The following GPATCH2 variants were observed in gnomAD, a reference collection of about 807,000 sequenced individuals.
GPATCH2 encodes the protein G patch domain-containing protein 2.
Under a neutral mutation model 58.0 loss-of-function variants are expected in GPATCH2, and 51 were observed. The ratio of observed to expected loss-of-function variants is 0.88; its 90% confidence interval spans 0.70 to 1.11. The LOEUF is 1.11. Ranked by LOEUF, GPATCH2 falls within the 50% of genes most tolerant of loss-of-function variation. GPATCH2 has a pLI of 0.00. For synonymous variants in GPATCH2, 222 were observed against 218.5 expected, an observed-to-expected ratio of 1.02 and a Z score of -0.14; for missense variants, 625 against 652.2, an observed-to-expected ratio of 0.96 and a Z score of 0.45.
intron 6 of GPATCH2, among the ~76,000 whole-genome samples, chr1:217,500,434 C>A (rs1662241726): frequency 6.6e-6 from 1 of 151,996 alleles, no homozygotes; most frequent in Non-Finnish European, 1.5e-5. Context: ...CCTCTTGTTT[C>A]CTGTATCCCA....
intron 5 of GPATCH2, among the ~76,000 whole-genome samples, chr1:217,542,628 T>G (rs1296652172): frequency 6.6e-6 from 1 of 152,208 alleles, no homozygotes; most frequent in Non-Finnish European, 1.5e-5. Context: ...AAAGCCATCC[T>G]TTAAGCCTGT....
At chr1:217,483,509 G>A (rs1243238588) in intron 8 of GPATCH2, among the ~76,000 whole-genome samples, 1 of 151,922 alleles carries the variant, frequency 6.6e-6, no homozygotes, top group Non-Finnish European at 1.5e-5. Flanking sequence ...TTTGGAGACA[G>A]GGTCTTGCTC....
chr1:217,487,962 G>A (rs769530938), intron 8 of GPATCH2, among the ~76,000 whole-genome samples: 4 of 151,514 alleles, frequency 2.6e-5, no homozygotes, highest in Non-Finnish European at 4.4e-5. Flanking sequence ...GGCTGGTATC[G>A]AACTCCTGAC....
chr1:217,528,734 A>C (rs973324376), intron 5 of GPATCH2, among the ~76,000 whole-genome samples: 8 of 152,162 alleles, frequency 5.3e-5, no homozygotes, highest in Admixed American at 3.3e-4. Flanking sequence ...GCATTTGTGG[A>C]AGGAGGAGGC....
chr1:217,580,041 C>T (rs1035345806), intron 5 of GPATCH2, among the ~76,000 whole-genome samples: 1 of 152,064 alleles, frequency 6.6e-6, no homozygotes, highest in Admixed American at 6.5e-5. Flanking sequence ...ATTTTTGCTA[C>T]AATAATTTTA....
chr1:217,458,761 C>T (rs1660071352), intron 8 of GPATCH2, among the ~76,000 whole-genome samples: 1 of 152,122 alleles, frequency 6.6e-6, no homozygotes, highest in South Asian at 2.1e-4. Flanking sequence ...TTCCTTCAGT[C>T]CTCTTAGCGC....
chr1:217,455,377 AC>A (rs1659894598), intron 8 of GPATCH2, among the ~76,000 whole-genome samples: 1 of 152,194 alleles, frequency 6.6e-6, no homozygotes, highest in African/African-American at 2.4e-5. Flanking sequence ...ATCCCTGTTC[AC>A]TGCCTACCTG....
intron 5 of GPATCH2, among the ~76,000 whole-genome samples, chr1:217,594,180 A>G (rs969890027): frequency 2.0e-5 from 3 of 152,134 alleles, no homozygotes; most frequent in African/African-American, 7.2e-5. Flanking sequence ...CAAGAAACAC[A>G]TTTAACTCAT....
chr1:217,518,782 G>A (rs1352454486), intron 5 of GPATCH2, among the ~76,000 whole-genome samples: 1 of 152,028 alleles, frequency 6.6e-6, no homozygotes, highest in East Asian at 1.9e-4. Flanking sequence ...CTTCAACTTC[G>A]CTCTGCTTTT....
intron 8 of GPATCH2, among the ~76,000 whole-genome samples, chr1:217,466,554 G>GA (rs1266782557): frequency 6.6e-6 from 1 of 151,646 alleles, no homozygotes. Flanking sequence ...AAGTATATAG[G>GA]AAAAATAAAA....
At chr1:217,577,754 A>G (rs867791007) in intron 5 of GPATCH2, among the ~76,000 whole-genome samples, 1 of 151,776 alleles carries the variant, frequency 6.6e-6, no homozygotes, top group Non-Finnish European at 1.5e-5. Flanking sequence ...TATTATTATT[A>G]TTGTTAGTTT....
chr1:217,623,591 C>T (rs955745968), intron 1 of GPATCH2, among the ~76,000 whole-genome samples: 8 of 152,058 alleles, frequency 5.3e-5, no homozygotes, highest in Admixed American at 4.6e-4. Flanking sequence ...TATGTTGCTT[C>T]TCTCAAGAGA....
intron 6 of GPATCH2, among the ~76,000 whole-genome samples, chr1:217,512,623 G>A (rs919681258): frequency 4.6e-5 from 7 of 152,322 alleles, no homozygotes; most frequent in African/African-American, 1.7e-4. Context: ...ACTAAGAGTA[G>A]AGGAAGAACA....
At chr1:217,628,990 C>T (rs1212108070) in intron 1 of GPATCH2, among the ~76,000 whole-genome samples, 1 of 152,190 alleles carries the variant, frequency 6.6e-6, no homozygotes, top group East Asian at 1.9e-4. Context: ...CTTAAACCAT[C>T]TTTGCTTCTG....
At position 217,523,463 on chromosome 1, in the gene GPATCH2, CAT is replaced by C. The variant is rs1312425219; in HGVS notation, c.1099-8576_1099-8575del. On this transcript the variant is annotated intron_variant, in intron 5 of 9. Coordinates refer to ENST00000366935, the MANE Select transcript of GPATCH2 (RefSeq NM_018040.5). ...CATTTAACCCTGAGTGGACACAGCA[CAT>C]GTTTCAGAGAGCACAGGGTTGGGGG... Among the ~76,000 whole-genome samples, 4 of 151,776 alleles carry C rather than the reference CAT, an allele frequency of 2.6e-5. No homozygotes were observed. In the East Asian group the frequency reaches 7.7e-4, roughly 29 times the overall value.
chr1:217,520,241 T>G (rs1466524619), intron 5 of GPATCH2, among the ~76,000 whole-genome samples: 1 of 152,186 alleles, frequency 6.6e-6, no homozygotes, highest in Non-Finnish European at 1.5e-5. Context: ...CCAGATCTTT[T>G]AGTTTCAGAC....
At chr1:217,507,325 T>G (rs1292054255) in intron 6 of GPATCH2, among the ~76,000 whole-genome samples, 1 of 152,164 alleles carries the variant, frequency 6.6e-6, no homozygotes, top group East Asian at 1.9e-4. Flanking sequence ...CAATAACATG[T>G]TGTATGTAAC....
chr1:217,629,027 T>C (rs1354782474), intron 1 of GPATCH2, among the ~76,000 whole-genome samples: 1 of 152,124 alleles, frequency 6.6e-6, no homozygotes, highest in African/African-American at 2.4e-5. Flanking sequence ...ATGCAAAGAA[T>C]GATACACCTA....
chr1:217,573,299 G>A (rs1666653348), intron 5 of GPATCH2, among the ~76,000 whole-genome samples: 1 of 151,960 alleles, frequency 6.6e-6, no homozygotes, highest in African/African-American at 2.4e-5. Context: ...CTTTGTTGTT[G>A]TAAAATGAGG....
Sources: allele counts gnomAD v4.1 joint callset (sites outside exome capture counted in the v4.1 genomes callset), GRCh38; gene constraint gnomAD v4.1.1; transcripts MANE v1.5; gene names NCBI Gene and HGNC (gene_info 2026-07-23, HGNC 2026-07-21).